DNAAF1: variants seen among roughly 807,000 people sequenced by gnomAD.
The protein encoded by DNAAF1 is dynein assembly factor 1, axonemal.
In DNAAF1, 65 loss-of-function variants were observed where a neutral mutation model predicts 71.1. The observed-to-expected ratio is 0.91, with a 90% CI of 0.75 to 1.12. The LOEUF (loss-of-function observed/expected upper bound fraction) is 1.12. DNAAF1 is among the 50% of genes most tolerant of loss of function. The pLI, the probability that DNAAF1 is intolerant of heterozygous loss-of-function variation, is 0.00. For synonymous variants in DNAAF1, 414 were observed against 354.6 expected (o/e 1.17, Z -1.88); for missense variants, 1,178 against 899.8 (o/e 1.31, Z -3.96).
At chr16:84,167,603 C>G (rs916851082) in intron 7 of DNAAF1, among the ~76,000 whole-genome samples, 1 of 152,184 alleles carries the variant, frequency 6.6e-6, no homozygotes, top group South Asian at 2.1e-4. Context: ...AATATTAGAA[C>G]AAAAGAGCCT....
chr16:84,148,713 C>G (rs571381474), intron 1 of DNAAF1, among the ~76,000 whole-genome samples: 1 of 150,050 alleles, frequency 6.7e-6, no homozygotes, highest in East Asian at 2.0e-4. Flanking sequence ...ATCAACCTGC[C>G]TCAGCCCCAC....
chr16:84,160,057 GTAGTATC>G (rs1270022320), intron 6 of DNAAF1, among the ~76,000 whole-genome samples: 2 of 152,100 alleles, frequency 1.3e-5, no homozygotes, highest in African/African-American at 4.8e-5. Context: ...AATTTTTGGA[GTAGTATC>G]ACTGCATTGA....
intron 9 of DNAAF1, 88 bp downstream of exon 9, chr16:84,172,463 T>C: frequency 6.4e-6 from 10 of 1,553,990 alleles, no homozygotes; most frequent in East Asian, 2.4e-5. Flanking sequence ...AGACCCTCGA[T>C]ACCCCAAGTG....
intron 6 of DNAAF1, among the ~76,000 whole-genome samples, chr16:84,164,376 T>C (rs2087864523): frequency 6.6e-6 from 1 of 152,200 alleles, no homozygotes; most frequent in Admixed American, 6.5e-5. Flanking sequence ...TCTCACAGAA[T>C]AGTTTTACTG....
At chr16:84,160,952 A>G (rs1317453345) in intron 6 of DNAAF1, among the ~76,000 whole-genome samples, 2 of 151,852 alleles carry the variant, frequency 1.3e-5, no homozygotes, top group African/African-American at 2.4e-5. Context: ...AAAAAAAAAA[A>G]AGAAAACCAG....
At chr16:84,159,285 A>G in intron 5 of DNAAF1, 1 of 1,089,258 alleles carries the variant, frequency 9.2e-7, no homozygotes, top group Non-Finnish European at 1.1e-6. Context: ...CGTTTTGGTA[A>G]AATGGATCCT....
chr16:84,165,949 G>T lies in DNAAF1; in HGVS notation c.1030G>T (p.Gly344Trp). Residue 344 changes from glycine (G) to tryptophan (W), a missense_variant and splice_region_variant, in exon 7 of 12, where the codon GGG becomes TGG. Transcript: ENST00000378553. ...AAGACAGAGAGAGAGTCAAGAGAGA[G>T]GTATGCGCTCGGCCGAAGACAACAG... ...RKRQRESQER[G>W]EMTSSDDGEN... 1 of 1,612,892 alleles carries T rather than the reference G, an allele frequency of 6.2e-7. No homozygotes were observed.
Position 84,177,854 on chromosome 16 carries a change from A to C in DNAAF1, c.*13A>C. The stretch of plus-strand genomic sequence containing the variant: ...GAAAGCATCATAGTTTTCCCCAGTT[A>C]TATGTAGCATAAATGGTTTAATCAT... On this transcript the variant is annotated 3_prime_UTR_variant, in exon 12 of 12. Coordinates refer to ENST00000378553, the MANE Select transcript of DNAAF1 (RefSeq NM_178452.6). 6.3e-7 allele frequency: 1 copy of C among 1,597,594 alleles called. No homozygotes were observed. The highest frequency in any genetic ancestry group is 8.6e-7 in the Non-Finnish European group (1 of 1,165,088).
chr16:84,152,299 T>C (rs1315300276), intron 3 of DNAAF1, among the ~76,000 whole-genome samples: 1 of 152,096 alleles, frequency 6.6e-6, no homozygotes, highest in African/African-American at 2.4e-5. Context: ...TAATCCAGTT[T>C]CTTCAACAAA....
chr16:84,158,588 G>C (rs983775695), intron 5 of DNAAF1, among the ~76,000 whole-genome samples: 3 of 152,176 alleles, frequency 2.0e-5, no homozygotes, highest in Admixed American at 6.5e-5. Flanking sequence ...TATGTTAATA[G>C]TTGTTTCGTG....
intron 3 of DNAAF1, among the ~76,000 whole-genome samples, chr16:84,151,319 C>T (rs896868089): frequency 1.3e-5 from 2 of 152,078 alleles, no homozygotes; most frequent in East Asian, 1.9e-4. Flanking sequence ...ATTATGAGGA[C>T]GGTGCCACGC....
At chr16:84,172,396 T>G in intron 9 of DNAAF1, 21 bp downstream of exon 9, 2 of 1,612,868 alleles carry the variant, frequency 1.2e-6, no homozygotes, top group Non-Finnish European at 8.5e-7. Flanking sequence ...TATTTAATCT[T>G]GGAGATAAGT....
intron 7 of DNAAF1, among the ~76,000 whole-genome samples, chr16:84,169,437 G>A (rs1051897034): frequency 2.4e-4 from 35 of 148,802 alleles, no homozygotes; most frequent in African/African-American, 8.2e-4. Flanking sequence ...AATTTTTTTT[G>A]GAGACAGAGT....
intron 6 of DNAAF1, 97 bp from the exon 7 acceptor site, chr16:84,165,686 C>G (rs2087935996): frequency 8.5e-7 from 1 of 1,181,874 alleles, no homozygotes; most frequent in East Asian, 2.3e-5. Flanking sequence ...GTCTGATGCT[C>G]ACTTTGCTTT....
chr16:84,149,991 C>A (rs1036837802), intron 2 of DNAAF1, among the ~76,000 whole-genome samples: 12 of 151,632 alleles, frequency 7.9e-5, no homozygotes, highest in African/African-American at 2.7e-4. Context: ...TGCCATTGCA[C>A]TCCAGCCTGG....
rs778828570 is a variant in DNAAF1 at position 84,154,737 on chromosome 16, T to A, written c.513T>A (p.Pro171=). The stretch of plus-strand genomic sequence containing the variant: ...TCCGTAAAATTGAGAACCTGGAACC[T>A]CTGCAGAAACTGGATGCTCTTAACC... The part of the protein sequence containing the change: ...NLLRKIENLE[P]LQKLDALNLS... Residue 171 remains proline, a synonymous_variant, in exon 4 of 12, where the codon CCT becomes CCA. Coordinates refer to ENST00000378553, the MANE Select transcript of DNAAF1 (RefSeq NM_178452.6). The A allele has an allele frequency of 6.2e-7, 1 of 1,614,024 alleles. No individual in the cohort carries two copies. The highest frequency in any genetic ancestry group is 1.7e-5 in the Admixed American group (1 of 59,994).
rs1416252664 is a variant in DNAAF1, at chr16:84,145,534, G to T, written c.94G>T (p.Gly32Trp). The T allele has an allele frequency of 6.4e-7, 1 of 1,552,584 alleles. No homozygotes were observed. The highest frequency in any genetic ancestry group is 2.4e-5 in the East Asian group (1 of 41,666). The change falls in exon 1 of 12, where the codon GGG (glycine) becomes TGG (tryptophan). Residue 32 changes from glycine (G) to tryptophan (W), a missense_variant. Physicochemically the swap from Gly to Trp is radical, Grantham distance 184. Transcript: ENST00000378553. ...PGVEESAGDH[G>W]SAGRGGCKEE... ...CGTGGAGGAGTCTGCGGGTGACCAC[G>T]GGAGCGCAGGCCGAGGGGGCTGCAA...
At chr16:84,145,707 G>C (rs1178247666) in intron 1 of DNAAF1, 143 bp downstream of exon 1, 2 of 1,144,778 alleles carry the variant, frequency 1.7e-6, no homozygotes, top group East Asian at 2.6e-5. Context: ...CTCTGCAGTA[G>C]GGGCTTCTCT....
Position 84,176,294 on chromosome 16 carries a change from C to A in DNAAF1, c.2060C>A (p.Ser687Tyr). 6.2e-7 allele frequency: 1 copy of A among 1,613,270 alleles called. No homozygotes were observed. The highest frequency in any genetic ancestry group is 8.5e-7 in the Non-Finnish European group (1 of 1,179,920). ...DRDSDFLAAS[S>Y]PVPTESAATP... ...GACAGCGACTTCCTTGCAGCCTCTT[C>A]TCCGGGTAAGAGCGTGGGGCCGAGA... Residue 687 changes from serine to tyrosine, a missense_variant, in exon 11 of 12, where the codon TCT (serine) becomes TAT (tyrosine). Transcript: ENST00000378553.
Sources: allele counts gnomAD v4.1 joint callset (sites outside exome capture counted in the v4.1 genomes callset), GRCh38; gene constraint gnomAD v4.1.1; transcripts MANE v1.5; gene names NCBI Gene and HGNC (gene_info 2026-07-23, HGNC 2026-07-21).